SLC9A2: variants seen among roughly 807,000 people sequenced by gnomAD.
The protein encoded by SLC9A2 is solute carrier family 9 member A2.
In SLC9A2, 42 loss-of-function variants were observed where a neutral mutation model predicts 71.7. That is an observed-to-expected ratio of 0.59 (90% CI 0.46 to 0.76). The LOEUF (loss-of-function observed/expected upper bound fraction) is 0.76. Among genes scored for constraint, SLC9A2 ranks in the 30% least tolerant of loss-of-function variants. SLC9A2 has a pLI of 0.00. For synonymous variants in SLC9A2, 396 were observed against 392.5 expected (o/e 1.01, Z -0.10); for missense variants, 829 against 1,017.4 (o/e 0.81, Z 2.52).
In SLC9A2 at chr2:102,683,469, C is replaced by A; in HGVS notation, c.1213C>A (p.Arg405=). 1 of 1,613,950 alleles carries A rather than the reference C, an allele frequency of 6.2e-7. No individual in the cohort carries two copies. The highest frequency in any genetic ancestry group is 2.2e-5 in the East Asian group (1 of 44,870). ...CFTLAFCLMW[R]ALGVFVLTQV... ...CACCCTGGCCTTCTGCCTCATGTGG[C>A]GAGCCCTGGGTAATGAGTGCTTGTT... The change falls in exon 4 of 12, where the codon CGA becomes AGA. Residue 405 remains arginine (R), a synonymous_variant. Coordinates refer to ENST00000233969, the MANE Select transcript of SLC9A2 (RefSeq NM_003048.6).
intron 10 of SLC9A2, 51 bp from the exon 11 acceptor site, chr2:102,705,795 C>A (rs765626359): frequency 2.7e-6 from 3 of 1,098,204 alleles, no homozygotes; most frequent in East Asian, 5.0e-5. Context: ...CTTTAATATA[C>A]AATAAGTGCC....
chr2:102,631,011 T>C (rs1463588596), intron 1 of SLC9A2, among the ~76,000 whole-genome samples: 2 of 152,090 alleles, frequency 1.3e-5, no homozygotes, highest in Admixed American at 1.3e-4. Flanking sequence ...AGGTGATGTT[T>C]ATTTGGTAAA....
intron 10 of SLC9A2, 61 bp from the exon 11 acceptor site, chr2:102,705,785 C>A (rs554567090): frequency 2.0e-6 from 2 of 988,968 alleles, no homozygotes; most frequent in South Asian, 1.8e-5. Flanking sequence ...AATTTTTAAT[C>A]TTTAATATAC....
chr2:102,700,106 G>A (rs533230521), intron 7 of SLC9A2, among the ~76,000 whole-genome samples: 2 of 152,172 alleles, frequency 1.3e-5, no homozygotes, highest in Non-Finnish European at 2.9e-5. Flanking sequence ...ATGACACCAG[G>A]ATTTTTGACC....
chr2:102,697,196 C>T (rs555161770), intron 7 of SLC9A2, among the ~76,000 whole-genome samples: 1 of 152,222 alleles, frequency 6.6e-6, no homozygotes, highest in South Asian at 2.1e-4. Context: ...TCCTCTGCCT[C>T]CCAAATGGGG....
At chr2:102,660,957 A>G (rs1677037083) in intron 2 of SLC9A2, among the ~76,000 whole-genome samples, 1 of 152,220 alleles carries the variant, frequency 6.6e-6, no homozygotes, top group African/African-American at 2.4e-5. Context: ...CCAAATTATG[A>G]TAAATTCAAC....
At chr2:102,665,380 T>C in intron 3 of SLC9A2, 30 bp downstream of exon 3, 2 of 1,588,204 alleles carry the variant, frequency 1.3e-6, no homozygotes, top group East Asian at 2.3e-5. Flanking sequence ...AAGTGCTCGA[T>C]GATGGCATTT....
chr2:102,666,631 G>C (rs1326410845), intron 3 of SLC9A2, among the ~76,000 whole-genome samples: 5 of 152,192 alleles, frequency 3.3e-5, no homozygotes, highest in Non-Finnish European at 1.5e-5. Flanking sequence ...AGACAAGTAG[G>C]CTGATGAATG....
At chr2:102,625,890 T>C (rs1676237668) in intron 1 of SLC9A2, among the ~76,000 whole-genome samples, 2 of 152,202 alleles carry the variant, frequency 1.3e-5, no homozygotes, top group Non-Finnish European at 2.9e-5. Flanking sequence ...CCTGAGGAAT[T>C]GCCACACTGT....
chr2:102,682,266 TCTC>T (rs2104538664), intron 3 of SLC9A2, among the ~76,000 whole-genome samples: 1 of 152,096 alleles, frequency 6.6e-6, no homozygotes, highest in Non-Finnish European at 1.5e-5. Flanking sequence ...CATCCTAAAT[TCTC>T]CTCTGTGGGT....
chr2:102,657,061 C>T (rs575052612), intron 1 of SLC9A2, among the ~76,000 whole-genome samples: 1 of 152,070 alleles, frequency 6.6e-6, no homozygotes, highest in East Asian at 1.9e-4. Context: ...AAAAATTAGC[C>T]AGGCATGGTG....
At chr2:102,665,570 C>T (rs913427847) in intron 3 of SLC9A2, among the ~76,000 whole-genome samples, 3 of 151,766 alleles carry the variant, frequency 2.0e-5, no homozygotes, top group African/African-American at 7.3e-5. Flanking sequence ...GTCAGGAGAT[C>T]GAGACCATCC....
At chr2:102,682,327 T>C (rs1016287683) in intron 3 of SLC9A2, among the ~76,000 whole-genome samples, 2 of 152,054 alleles carry the variant, frequency 1.3e-5, no homozygotes, top group Admixed American at 1.3e-4. Flanking sequence ...GAGGAACCCA[T>C]GTGTGTAGTA....
chr2:102,646,696 A>T (rs534086235), intron 1 of SLC9A2, among the ~76,000 whole-genome samples: 3 of 151,736 alleles, frequency 2.0e-5, no homozygotes, highest in African/African-American at 4.8e-5. Context: ...ACCAACAAAG[A>T]TCAAAAAAGA....
rs1678035296 is a variant in SLC9A2, at chr2:102,708,613, G to A, written c.*124G>A. On this transcript the variant is annotated 3_prime_UTR_variant, in exon 12 of 12. Transcript: ENST00000233969. ...GTGCATCTAAATACTTCTGGAGGGC[G>A]ACAGATTCATGCCACGGATAAATGA... 4 of 1,157,290 alleles carry A rather than the reference G, an allele frequency of 3.5e-6. No individual in the cohort carries two copies. Among genetic ancestry groups the A allele is most frequent in the South Asian group, 1.7e-5 (1 of 59,996 alleles). 71.7% of individuals were successfully genotyped at this position (1,157,290 alleles called of 1,614,324 possible).
intron 10 of SLC9A2, 36 bp downstream of exon 10, chr2:102,704,711 G>A (rs1677940727): frequency 6.3e-7 from 1 of 1,596,592 alleles, no homozygotes; most frequent in East Asian, 2.3e-5. Flanking sequence ...ACTTCCAGGG[G>A]TGGAGCCGAC....
In SLC9A2 at chr2:102,710,618, T is replaced by C. The variant is rs947306424; in HGVS notation, c.*2129T>C. 5 of 151,998 alleles carry C rather than the reference T, an allele frequency of 3.3e-5. No individual in the cohort carries two copies. Among genetic ancestry groups the C allele is most frequent in the African/African-American group, 1.2e-4 (5 of 41,218 alleles). The allele number at this position is 151,998 out of a possible 1,614,324, so 9.4% of individuals were successfully genotyped here. On this transcript the variant is annotated 3_prime_UTR_variant, in exon 12 of 12. Coordinates refer to ENST00000233969, the MANE Select transcript of SLC9A2 (RefSeq NM_003048.6). Reference sequence around the variant, plus strand: ...TAATTATTATCAGTTTAAATTTTTTTTGTTTGTTGAATGACAAAGGCAATA... The same window carrying C: ...TAATTATTATCAGTTTAAATTTTTTCTGTTTGTTGAATGACAAAGGCAATA...
chr2:102,708,591 C>A lies in SLC9A2; in HGVS notation c.*102C>A. On this transcript the variant is annotated 3_prime_UTR_variant, in exon 12 of 12. Coordinates refer to ENST00000233969, the MANE Select transcript of SLC9A2 (RefSeq NM_003048.6). ...TGGAATCCATGTAAAACTCTCTGTG[C>A]ATCTAAATACTTCTGGAGGGCGACA... 1.5e-6 allele frequency: 2 copies of A among 1,339,520 alleles called. No homozygotes were observed. Among genetic ancestry groups the A allele is most frequent in the Non-Finnish European group, 2.0e-6 (2 of 976,222 alleles). 83.0% of individuals were successfully genotyped at this position (1,339,520 alleles called of 1,614,324 possible). A position where few individuals can be genotyped will look rare whatever the true frequency, so the allele number is the denominator to read the frequency against.
chr2:102,686,012 A>AACTAAGAATGATGAT (rs1677539804), intron 5 of SLC9A2, among the ~76,000 whole-genome samples: 2 of 152,228 alleles, frequency 1.3e-5, no homozygotes, highest in Admixed American at 1.3e-4. Context: ...AGCCAAGAAG[A>AACTAAGAATGATGAT]ACTAAGAATG....
Sources: gnomAD v4.1 joint callset for allele counts (sites outside exome capture counted in the v4.1 genomes callset) on GRCh38, gnomAD v4.1.1 for gene constraint, MANE v1.5 for transcripts, NCBI Gene and HGNC (gene_info 2026-07-23, HGNC 2026-07-21) for gene names.